The following CALN1 variants were observed in gnomAD, a reference collection of about 807,000 sequenced individuals.
CALN1 encodes calcium-binding protein 8.
Under a neutral mutation model 30.6 loss-of-function variants are expected in CALN1, and 17 were observed. The observed-to-expected ratio is 0.56, with a 90% CI of 0.38 to 0.83. CALN1 has a LOEUF of 0.83. Ranked by LOEUF, CALN1 falls within the 40% of genes least tolerant of loss-of-function variation. The probability of loss-of-function intolerance (pLI) is 0.00; values close to 1 mark genes in which losing one functional copy is unlikely to be tolerated. For synonymous variants in CALN1, 156 were observed against 131.4 expected, an observed-to-expected ratio of 1.19 and a Z score of -1.28; for missense variants, 291 against 354.9, an observed-to-expected ratio of 0.82 and a Z score of 1.45.
chr7:71,922,589 A>ATT (rs202111740), intron 5 of CALN1, among the ~76,000 whole-genome samples: 14,219 of 140,428 alleles, frequency 0.1, 1,065 homozygotes, highest in Non-Finnish European at 0.16. Context: ...CACAGAATGT[A>ATT]TTATATATAA....
rs182774524 is a variant in CALN1 at position 72,301,949 on chromosome 7, G to A, written c.120-23139C>T. ...CACCGACAAGCAGGACAGAAAAGGT[G>A]ACCCCAGACACAGCAAGGATGATCC... is the stretch of plus-strand genomic sequence containing the variant. On this transcript the variant is annotated intron_variant, in intron 2 of 6. Coordinates refer to ENST00000395275, the MANE Select transcript of CALN1 (RefSeq NM_031468.4). Among the ~76,000 whole-genome samples, 880 of 152,162 alleles carry A rather than the reference G, an allele frequency of 5.8e-3. 15 individuals carry two copies. The highest frequency in any genetic ancestry group is 0.02 in the African/African-American group (837 of 41,520).
intron 4 of CALN1, among the ~76,000 whole-genome samples, chr7:72,078,190 G>A (rs1804879373): frequency 6.6e-6 from 1 of 152,128 alleles, no homozygotes; most frequent in South Asian, 2.1e-4. Flanking sequence ...TTGAATAAAT[G>A]TTTGCTTTCA....
intron 2 of CALN1, among the ~76,000 whole-genome samples, chr7:72,342,052 G>C (rs920340778): frequency 1.3e-5 from 2 of 151,884 alleles, no homozygotes; most frequent in African/African-American, 4.8e-5. Context: ...GGGAATTTGA[G>C]ACCAGCCAGC....
At chr7:72,001,295 A>G (rs756034650) in intron 5 of CALN1, among the ~76,000 whole-genome samples, 69 of 152,220 alleles carry the variant, frequency 4.5e-4, no homozygotes, top group Non-Finnish European at 7.9e-4. Flanking sequence ...ACTGGTGATC[A>G]GCTTCTCAAT....
intron 2 of CALN1, among the ~76,000 whole-genome samples, chr7:72,401,197 GA>G (rs1188457206): frequency 6.6e-6 from 1 of 152,180 alleles, no homozygotes; most frequent in African/African-American, 2.4e-5. Context: ...TTACCTGAAG[GA>G]GGTTCCCAAC....
chr7:72,082,938 AT>A (rs139752114), intron 4 of CALN1, among the ~76,000 whole-genome samples: 332 of 152,056 alleles, frequency 2.2e-3, no homozygotes, highest in African/African-American at 7.4e-3. Context: ...GTGGTGGCTC[AT>A]GCCTGTAATC....
chr7:72,139,036 T>C (rs1394529493), intron 3 of CALN1, among the ~76,000 whole-genome samples: 1 of 152,228 alleles, frequency 6.6e-6, no homozygotes, highest in South Asian at 2.1e-4. Flanking sequence ...TTGTTGATGG[T>C]ACCTCCAGCA....
At chr7:72,144,773 C>G (rs1047803722) in intron 3 of CALN1, among the ~76,000 whole-genome samples, 24 of 152,164 alleles carry the variant, frequency 1.6e-4, no homozygotes, top group Admixed American at 3.3e-4. Flanking sequence ...AACAAACTGT[C>G]TCTCAGACCA....
At chr7:72,500,208 G>A in the CALN1 span, among the ~76,000 whole-genome samples, 1 of 143,846 alleles carries the variant, frequency 7.0e-6, no homozygotes, top group African/African-American at 2.6e-5. Flanking sequence ...CACCTCGCCC[G>A]GCCTCAGCTG....
intron 2 of CALN1, among the ~76,000 whole-genome samples, chr7:72,288,163 C>A (rs567930842): frequency 6.6e-6 from 1 of 152,146 alleles, no homozygotes; most frequent in East Asian, 1.9e-4. Context: ...AAGGCCTGAC[C>A]GGGGCTGGAG....
At chr7:72,369,368 G>GTTGTTGT (rs1471044315) in intron 2 of CALN1, among the ~76,000 whole-genome samples, 19 of 146,196 alleles carry the variant, frequency 1.3e-4, no homozygotes, top group Admixed American at 1.1e-3. Context: ...TTTTGTTGTT[G>GTTGTTGT]TTGTTTGTTT....
chr7:72,333,274 T>C (rs1466080888), intron 2 of CALN1, among the ~76,000 whole-genome samples: 1 of 152,212 alleles, frequency 6.6e-6, no homozygotes, highest in African/African-American at 2.4e-5. Context: ...GCCTCCCCAC[T>C]AATCTGTGAA....
intron 3 of CALN1, among the ~76,000 whole-genome samples, chr7:72,262,074 A>T (rs769557686): frequency 2.4e-4 from 37 of 152,338 alleles, no homozygotes; most frequent in Admixed American, 1.1e-3. Flanking sequence ...CAGTGTGCTC[A>T]ACTCAAAGAG....
intron 5 of CALN1, among the ~76,000 whole-genome samples, chr7:71,955,340 T>A (rs1457596209): frequency 2.6e-5 from 4 of 152,010 alleles, no homozygotes; most frequent in Non-Finnish European, 5.9e-5. Context: ...AAGATGAGAT[T>A]TGGGTGGAGA....
intron 2 of CALN1, among the ~76,000 whole-genome samples, chr7:72,338,521 G>GTC (rs368628309): frequency 0.016 from 1,034 of 64,212 alleles, 47 homozygotes; most frequent in East Asian, 0.04. Context: ...GTGTGTGTGT[G>GTC]TGTGTGTCTC....
chr7:72,201,141 T>C lies in CALN1; in HGVS notation c.244+77545A>G, dbSNP rs150790999. On this transcript the variant is annotated intron_variant, in intron 3 of 6. Transcript: ENST00000395275. ...CCTTTGCAGGCAACATGAGTGCAGC[T>C]GGAGGCCATTATCCTAAGTGAATTA... is the stretch of plus-strand genomic sequence containing the variant. 1.3e-3 allele frequency among the ~76,000 whole-genome samples: 203 copies of C among 152,330 alleles called. 1 individual carries two copies. The highest frequency in any genetic ancestry group is 4.6e-3 in the African/African-American group (193 of 41,574).
intron 3 of CALN1, among the ~76,000 whole-genome samples, chr7:72,230,588 A>C (rs1245777529): frequency 6.6e-6 from 1 of 152,092 alleles, no homozygotes; most frequent in Non-Finnish European, 1.5e-5. Context: ...CTGCCTTTGA[A>C]GATGGAAGAG....
chr7:71,826,352 T>G (rs1788913986), intron 5 of CALN1, among the ~76,000 whole-genome samples: 1 of 152,166 alleles, frequency 6.6e-6, no homozygotes, highest in Non-Finnish European at 1.5e-5. Context: ...TCCCACAGTC[T>G]AGAAGAAATT....
chr7:72,115,427 C>T (rs905087038), intron 3 of CALN1, among the ~76,000 whole-genome samples: 11 of 145,562 alleles, frequency 7.6e-5, no homozygotes, highest in Admixed American at 1.4e-4. Flanking sequence ...AATTTACCAT[C>T]TTTGCCACTG....
Sources: allele counts gnomAD v4.1 joint callset (sites outside exome capture counted in the v4.1 genomes callset), GRCh38; gene constraint gnomAD v4.1.1; transcripts MANE v1.5; gene names NCBI Gene and HGNC (gene_info 2026-07-23, HGNC 2026-07-21).